Variants in SGCZ observed in about 807,000 individuals in gnomAD.
SGCZ encodes the protein sarcoglycan zeta, also known as zeta-sarcoglycan.
Under a neutral mutation model 41.3 loss-of-function variants are expected in SGCZ, and 40 were observed. The ratio of observed to expected loss-of-function variants is 0.97; its 90% CI spans 0.75 to 1.26. The LOEUF (loss-of-function observed/expected upper bound fraction) is 1.26, where lower values mean the gene tolerates loss of function less well. Among genes scored for constraint, SGCZ ranks in the 50% most tolerant of loss-of-function variants. The pLI is 0.00. For synonymous variants in SGCZ, 206 were observed against 137.5 expected, an observed-to-expected ratio of 1.50 and a Z score of -3.49; for missense variants, 552 against 369.8, an observed-to-expected ratio of 1.49 and a Z score of -4.04.
At chr8:14,316,894 A>G (rs1801737614) in intron 3 of SGCZ, among the ~76,000 whole-genome samples, 1 of 151,128 alleles carries the variant, frequency 6.6e-6, no homozygotes, top group Non-Finnish European at 1.5e-5. Flanking sequence ...TCATATGTCC[A>G]CCAGCATGCT....
chr8:14,600,242 C>G lies in SGCZ; in HGVS notation c.40-45316G>C, dbSNP rs183347107. ...CTGTTATGCATTTTCTGCATTCACCCAGGCTCTACTCCCTTGAGTGCCCTT... is the reference window on the plus strand; with the variant it reads ...CTGTTATGCATTTTCTGCATTCACCGAGGCTCTACTCCCTTGAGTGCCCTT... On this transcript the variant is annotated intron_variant, in intron 1 of 7. Transcript: ENST00000382080. Among the ~76,000 whole-genome samples, 1,169 of 152,250 alleles carry G rather than the reference C, an allele frequency of 7.7e-3. 24 individuals are homozygous for G. Among genetic ancestry groups the G allele is most frequent in the African/African-American group, 0.027 (1,130 of 41,536 alleles).
chr8:14,136,160 T>C (rs1803190813), intron 5 of SGCZ, among the ~76,000 whole-genome samples: 1 of 151,998 alleles, frequency 6.6e-6, no homozygotes, highest in African/African-American at 2.4e-5. Flanking sequence ...CTTCAAACAC[T>C]AAAGAATCAA....
intron 2 of SGCZ, among the ~76,000 whole-genome samples, chr8:14,371,102 T>C (rs1243777338): frequency 2.0e-5 from 3 of 151,994 alleles, no homozygotes; most frequent in African/African-American, 7.2e-5. Context: ...TTTTAAATAT[T>C]CACAAAATAG....
chr8:15,037,996 GA>G (rs1563457890), intron 1 of SGCZ, among the ~76,000 whole-genome samples: 1 of 152,006 alleles, frequency 6.6e-6, no homozygotes, highest in Admixed American at 6.6e-5. Flanking sequence ...TTCATAGAAT[GA>G]AATAATTAAT....
rs145066738 is a variant in SGCZ at position 14,324,993 on chromosome 8, T to C, written c.235-789A>G. On this transcript the variant is annotated intron_variant, in intron 2 of 7. Coordinates refer to ENST00000382080, the MANE Select transcript of SGCZ (RefSeq NM_139167.4). Reference sequence around the variant, plus strand: ...CATCTGATCTCACTAATGTATGAGATTTCTATTTTTGAATATTGGGAGAGA... The same window carrying C: ...CATCTGATCTCACTAATGTATGAGACTTCTATTTTTGAATATTGGGAGAGA... Among the ~76,000 whole-genome samples, 32 of 152,286 alleles carry C rather than the reference T, an allele frequency of 2.1e-4. No individual in the cohort carries two copies. The East Asian group carries it at 4.6e-3, about 22-fold the overall frequency.
intron 6 of SGCZ, among the ~76,000 whole-genome samples, chr8:14,107,129 T>A (rs150094203): frequency 6.6e-6 from 1 of 151,552 alleles, no homozygotes; most frequent in African/African-American, 2.4e-5. Context: ...GGCAGGAGAA[T>A]GGCGTGAACC....
At chr8:14,764,372 T>A in intron 1 of SGCZ, among the ~76,000 whole-genome samples, 1 of 152,194 alleles carries the variant, frequency 6.6e-6, no homozygotes, top group East Asian at 1.9e-4. Context: ...GCAATGCATA[T>A]CCTTACAATA....
At chr8:14,188,548 G>C (rs1422503724) in intron 4 of SGCZ, among the ~76,000 whole-genome samples, 1 of 152,164 alleles carries the variant, frequency 6.6e-6, no homozygotes, top group African/African-American at 2.4e-5. Context: ...GGGTGGGACA[G>C]GTCTGTCGGT....
At chr8:14,803,257 A>C (rs943702291) in intron 1 of SGCZ, among the ~76,000 whole-genome samples, 4 of 152,060 alleles carry the variant, frequency 2.6e-5, no homozygotes, top group Non-Finnish European at 5.9e-5. Context: ...GCTCCTGTCT[A>C]CAGCTCCCAG....
intron 1 of SGCZ, among the ~76,000 whole-genome samples, chr8:15,011,554 A>G (rs1802828003): frequency 6.6e-6 from 1 of 152,190 alleles, no homozygotes; most frequent in South Asian, 2.1e-4. Context: ...AAAACTGCAG[A>G]TTATAAGATA....
chr8:14,261,462 C>G (rs908414922), intron 3 of SGCZ, among the ~76,000 whole-genome samples: 2 of 152,070 alleles, frequency 1.3e-5, no homozygotes, highest in African/African-American at 4.8e-5. Flanking sequence ...ATATATATCA[C>G]CAATATTGTT....
At chr8:14,178,974 G>C (rs1460101929) in intron 4 of SGCZ, among the ~76,000 whole-genome samples, 2 of 152,186 alleles carry the variant, frequency 1.3e-5, no homozygotes, top group Non-Finnish European at 2.9e-5. Flanking sequence ...TAGGAGGAAA[G>C]CACTGGCAGA....
rs541708523 is a variant in SGCZ at position 15,136,954 on chromosome 8, C to A, written c.39+100631G>T. Among the ~76,000 whole-genome samples the A allele has an allele frequency of 1.2e-3, 190 of 152,152 alleles. 1 individual carries two copies. Among genetic ancestry groups the A allele is most frequent in the African/African-American group, 3.7e-3 (155 of 41,512 alleles). On this transcript the variant is annotated intron_variant, in intron 1 of 7. Coordinates refer to ENST00000382080, the MANE Select transcript of SGCZ (RefSeq NM_139167.4). Reference sequence around the variant, plus strand: ...ATGGAACAGTTTGGAGGGCTCAGAACAAGACAGGAAAATGTGGGAAAGTTT... The same window carrying A: ...ATGGAACAGTTTGGAGGGCTCAGAAAAAGACAGGAAAATGTGGGAAAGTTT...
At chr8:15,181,196 G>C (rs73665394) in intron 1 of SGCZ, among the ~76,000 whole-genome samples, 9,675 of 152,114 alleles carry the variant, frequency 0.064, 348 homozygotes, top group Non-Finnish European at 0.07. Flanking sequence ...ATTAAATAAA[G>C]AAAACAAGTT....
rs182502583 is a variant in SGCZ at position 14,142,165 on chromosome 8, C to T, written c.547+22415G>A. 2.0e-3 allele frequency among the ~76,000 whole-genome samples: 311 copies of T among 151,950 alleles called. 4 individuals are homozygous for T. The South Asian group carries it at 0.024, about 12-fold the overall frequency. ...GGGAACATCACACACCAGGGCCTGT[C>T]GAGGGGTGGAGGCATGGGGGAGGGA... On this transcript the variant is annotated intron_variant, in intron 5 of 7. Transcript: ENST00000382080.
At chr8:14,946,937 G>T (rs992345094) in intron 1 of SGCZ, among the ~76,000 whole-genome samples, 1 of 151,976 alleles carries the variant, frequency 6.6e-6, no homozygotes, top group Non-Finnish European at 1.5e-5. Context: ...GCCTCCCAAC[G>T]TGCTGGGATT....
In SGCZ at chr8:14,497,554, G is replaced by A. The variant is rs540442466; in HGVS notation, c.234+57178C>T. Reference sequence around the variant, plus strand: ...TCTTAAAACATTATGAGCTTTGTGTGTGCGTATGTGTGTGTGTGTGTGTCT... The same window carrying A: ...TCTTAAAACATTATGAGCTTTGTGTATGCGTATGTGTGTGTGTGTGTGTCT... On this transcript the variant is annotated intron_variant, in intron 2 of 7. Transcript: ENST00000382080. 6.7e-5 allele frequency among the ~76,000 whole-genome samples: 10 copies of A among 150,054 alleles called. No individual in the cohort carries two copies. In the South Asian group the frequency reaches 1.1e-3, roughly 16 times the overall value.
At chr8:14,269,186 G>C (rs1585302446) in intron 3 of SGCZ, among the ~76,000 whole-genome samples, 1 of 152,030 alleles carries the variant, frequency 6.6e-6, no homozygotes, top group Admixed American at 6.6e-5. Flanking sequence ...TTTTATCATA[G>C]CATTATATTG....
chr8:15,220,201 G>A lies in SGCZ; in HGVS notation c.39+17384C>T, dbSNP rs75287779. Among the ~76,000 whole-genome samples, 374 of 152,280 alleles carry A rather than the reference G, an allele frequency of 2.5e-3. 2 individuals carry two copies. Among genetic ancestry groups the A allele is most frequent in the African/African-American group, 8.6e-3 (359 of 41,540 alleles). On this transcript the variant is annotated intron_variant, in intron 1 of 7. Transcript: ENST00000382080. ...TATACTAAAACCAAAAGTTTTTGAGGTCATTAATAGATGTGGAAGTAGTAC... is the reference window on the plus strand; with the variant it reads ...TATACTAAAACCAAAAGTTTTTGAGATCATTAATAGATGTGGAAGTAGTAC...
Sources: allele counts gnomAD v4.1 joint callset (sites outside exome capture counted in the v4.1 genomes callset), GRCh38; gene constraint gnomAD v4.1.1; transcripts MANE v1.5; gene names NCBI Gene and HGNC (gene_info 2026-07-23, HGNC 2026-07-21).